ARMC3: variants seen among roughly 807,000 people sequenced by gnomAD.
ARMC3 encodes the protein armadillo repeat containing 3.
Under a neutral mutation model 90.3 loss-of-function variants are expected in ARMC3, and 74 were observed. The ratio of observed to expected loss-of-function variants is 0.82; its 90% confidence interval spans 0.68 to 0.99. The LOEUF (loss-of-function observed/expected upper bound fraction) is 0.99. Ranked by LOEUF, ARMC3 falls within the 50% of genes least tolerant of loss-of-function variation. The pLI is 0.00. For synonymous variants in ARMC3, 334 were observed against 361.8 expected (o/e 0.92, Z 0.87); for missense variants, 958 against 1,042.8 (o/e 0.92, Z 1.12).
chr10:23,004,093 G>C (rs116749215), intron 13 of ARMC3, among the ~76,000 whole-genome samples: 130 of 150,960 alleles, frequency 8.6e-4, no homozygotes, highest in African/African-American at 2.9e-3. Flanking sequence ...AGGATGTAGT[G>C]AGCTATGATC....
intron 13 of ARMC3, 122 bp from the exon 14 acceptor site, chr10:23,006,762 G>A (rs1413079753): frequency 7.9e-6 from 6 of 758,062 alleles, no homozygotes; most frequent in Non-Finnish European, 1.4e-5. Context: ...TATTGTACAT[G>A]TGTGTGTTTG....
chr10:22,957,339 C>T lies in ARMC3; in HGVS notation c.292+1407C>T, dbSNP rs140444122. 3.9e-5 allele frequency among the ~76,000 whole-genome samples: 6 copies of T among 152,254 alleles called. No homozygotes were observed. The South Asian group carries it at 6.2e-4, about 16-fold the overall frequency. On this transcript the variant is annotated intron_variant, in intron 4 of 18. Coordinates refer to ENST00000298032, the MANE Select transcript of ARMC3 (RefSeq NM_173081.5). ...AGGGCGGTTTTGTGTGGCGTCTGTG[C>T]CATTACAGCCTCAGCTACAGAGACT... is the stretch of plus-strand genomic sequence containing the variant.
At chr10:23,016,738 TTC>T (rs1564398911) in intron 16 of ARMC3, among the ~76,000 whole-genome samples, 2 of 152,162 alleles carry the variant, frequency 1.3e-5, no homozygotes, top group Non-Finnish European at 2.9e-5. Flanking sequence ...TTCCCGGAAA[TTC>T]TCTCTTTTTA....
rs533012901 is a variant in ARMC3 at position 22,941,444 on chromosome 10, C to T, written c.49-4700C>T. Reference sequence around the variant, plus strand: ...TTAGTTGACAGGGAGGAGTTGACTACTCATGAGACAGAAGAGATTATTAAT... The same window carrying T: ...TTAGTTGACAGGGAGGAGTTGACTATTCATGAGACAGAAGAGATTATTAAT... On this transcript the variant is annotated intron_variant, in intron 2 of 18. Transcript: ENST00000298032. 7.2e-5 allele frequency among the ~76,000 whole-genome samples: 11 copies of T among 152,196 alleles called. No individual in the cohort carries two copies. The South Asian group carries it at 1.5e-3, about 20-fold the overall frequency.
chr10:23,019,684 C>T (rs906270207), intron 16 of ARMC3, among the ~76,000 whole-genome samples: 7 of 152,134 alleles, frequency 4.6e-5, no homozygotes, highest in Non-Finnish European at 5.9e-5. Context: ...CTCAGCCTCC[C>T]GAGTAGCTGG....
At chr10:22,990,362 G>A (rs1326552585) in intron 10 of ARMC3, among the ~76,000 whole-genome samples, 1 of 152,202 alleles carries the variant, frequency 6.6e-6, no homozygotes, top group African/African-American at 2.4e-5. Context: ...CTCTGCAGGT[G>A]TAGGAGATTT....
chr10:23,012,241 T>C (rs1838046875), intron 16 of ARMC3, among the ~76,000 whole-genome samples: 1 of 152,232 alleles, frequency 6.6e-6, no homozygotes, highest in South Asian at 2.1e-4. Context: ...TTTATTGTGA[T>C]ATTTGACACT....
chr10:23,015,102 T>C (rs925614970), intron 16 of ARMC3, among the ~76,000 whole-genome samples: 6 of 151,816 alleles, frequency 4.0e-5, no homozygotes, highest in African/African-American at 1.4e-4. Context: ...AGAGAAGAGA[T>C]GGGAAAGAAG....
chr10:23,013,242 C>T (rs1254822791), intron 16 of ARMC3, among the ~76,000 whole-genome samples: 2 of 152,092 alleles, frequency 1.3e-5, no homozygotes, highest in East Asian at 3.9e-4. Flanking sequence ...ATGACTCTGC[C>T]TAAAACAAAG....
At chr10:22,936,511 T>C (rs544725239) in intron 2 of ARMC3, among the ~76,000 whole-genome samples, 5 of 152,354 alleles carry the variant, frequency 3.3e-5, no homozygotes, top group Admixed American at 3.3e-4. Context: ...TCTAATTGAC[T>C]GGGCTTAAAA....
chr10:23,020,715 G>A (rs550280396), intron 16 of ARMC3, among the ~76,000 whole-genome samples: 2 of 152,088 alleles, frequency 1.3e-5, no homozygotes, highest in African/African-American at 4.8e-5. Flanking sequence ...TTTTTCATGT[G>A]CTTATTTGCC....
At chr10:22,982,396 A>C (rs894660061) in intron 10 of ARMC3, among the ~76,000 whole-genome samples, 1 of 152,242 alleles carries the variant, frequency 6.6e-6, no homozygotes, top group African/African-American at 2.4e-5. Context: ...ACAAACAAAC[A>C]AACCAAAGCA....
chr10:22,943,789 C>T (rs952932643), intron 2 of ARMC3, among the ~76,000 whole-genome samples: 1 of 151,928 alleles, frequency 6.6e-6, no homozygotes, highest in African/African-American at 2.4e-5. Context: ...AAAAATTAGC[C>T]AGGCATGGTG....
intron 3 of ARMC3, among the ~76,000 whole-genome samples, 159 bp from the exon 4 acceptor site, chr10:22,955,648 G>A (rs1023117616): frequency 3.3e-5 from 5 of 152,160 alleles, no homozygotes; most frequent in African/African-American, 9.7e-5. Context: ...GGAAATGTCC[G>A]GGATGTGTGT....
intron 10 of ARMC3, among the ~76,000 whole-genome samples, chr10:22,990,201 C>T (rs1836642026): frequency 6.6e-6 from 1 of 151,842 alleles, no homozygotes; most frequent in African/African-American, 2.4e-5. Flanking sequence ...ATACTTAAAC[C>T]TATATAAGGT....
At chr10:23,006,803 G>A in intron 13 of ARMC3, 81 bp from the exon 14 acceptor site, 1 of 1,128,882 alleles carries the variant, frequency 8.9e-7, no homozygotes, top group South Asian at 1.2e-5. Context: ...GCAAACAGCT[G>A]AGAATATATT....
chr10:23,013,738 C>T (rs1354939835), intron 16 of ARMC3, among the ~76,000 whole-genome samples: 1 of 152,112 alleles, frequency 6.6e-6, no homozygotes, highest in Non-Finnish European at 1.5e-5. Flanking sequence ...TTAGTCATCC[C>T]ATGAAACTGA....
intron 10 of ARMC3, among the ~76,000 whole-genome samples, chr10:22,992,675 T>TG (rs1435727764): frequency 1.3e-5 from 2 of 152,184 alleles, no homozygotes; most frequent in Admixed American, 6.5e-5. Context: ...CCTGTAGCTG[T>TG]GGGGCTGTGG....
In ARMC3 at chr10:23,038,003, A is replaced by G. The variant is rs2131586054; in HGVS notation, c.*524A>G. The G allele has an allele frequency of 6.6e-6, 1 of 152,358 alleles. No homozygotes were observed. The highest frequency in any genetic ancestry group is 1.9e-4 in the East Asian group (1 of 5,194). 9.4% of individuals were successfully genotyped at this position (152,358 alleles called of 1,614,324 possible). A position where few individuals can be genotyped will look rare whatever the true frequency, so the allele number is the denominator to read the frequency against. ...TTCCTTTCTAAAAATTTTTGTTTCT[A>G]TTTTTAAAAATTCATCATTAAAAAC... On this transcript the variant is annotated 3_prime_UTR_variant, in exon 19 of 19. Coordinates refer to ENST00000298032, the MANE Select transcript of ARMC3 (RefSeq NM_173081.5).
Sources: gnomAD v4.1 joint callset for allele counts (sites outside exome capture counted in the v4.1 genomes callset) on GRCh38, gnomAD v4.1.1 for gene constraint, MANE v1.5 for transcripts, NCBI Gene and HGNC (gene_info 2026-07-23, HGNC 2026-07-21) for gene names.